The following RAP1A variants were observed in gnomAD, a reference collection of about 807,000 sequenced individuals.
RAP1A encodes ras-related protein Rap-1A.
Under a neutral mutation model 26.4 loss-of-function variants are expected in RAP1A, and 6 were observed. The ratio of observed to expected loss-of-function variants is 0.23; its 90% CI spans 0.12 to 0.45. RAP1A has a LOEUF of 0.45. Ranked by LOEUF, RAP1A falls within the 20% of genes least tolerant of loss-of-function variation. RAP1A has a pLI of 0.99. For synonymous variants in RAP1A, 73 were observed against 79.4 expected, an observed-to-expected ratio of 0.92 and a Z score of 0.43; for missense variants, 121 against 217.2, an observed-to-expected ratio of 0.56 and a Z score of 2.78.
chr1:111,588,078 G>A (rs1193303994), intron 1 of RAP1A, among the ~76,000 whole-genome samples: 1 of 152,082 alleles, frequency 6.6e-6, no homozygotes, highest in Non-Finnish European at 1.5e-5. Flanking sequence ...ATGATAACAG[G>A]TCTCAAACTC....
intron 1 of RAP1A, among the ~76,000 whole-genome samples, chr1:111,629,735 T>G (rs1659512693): frequency 6.6e-6 from 1 of 152,182 alleles, no homozygotes; most frequent in African/African-American, 2.4e-5. Flanking sequence ...GTGTGACTTT[T>G]TTTTACAAAT....
chr1:111,623,438 G>T (rs1259862976), intron 1 of RAP1A, among the ~76,000 whole-genome samples: 2 of 151,960 alleles, frequency 1.3e-5, no homozygotes, highest in African/African-American at 4.8e-5. Context: ...ACAGAGTCTT[G>T]CTCTGTCACC....
chr1:111,573,191 T>G (rs529605896), intron 1 of RAP1A, among the ~76,000 whole-genome samples: 2 of 152,364 alleles, frequency 1.3e-5, no homozygotes, highest in South Asian at 4.1e-4. Context: ...CTATTGTGAA[T>G]AGTGCTCCAA....
chr1:111,599,755 TGACATG>T (rs1658633315), intron 1 of RAP1A: 1 of 152,222 alleles, frequency 6.6e-6, no homozygotes, highest in African/African-American at 2.4e-5. Flanking sequence ...GGTTGAAGAC[TGACATG>T]GTTTGGATGT....
At chr1:111,579,268 CA>C (rs1658203544) in intron 1 of RAP1A, among the ~76,000 whole-genome samples, 1 of 152,152 alleles carries the variant, frequency 6.6e-6, no homozygotes, top group African/African-American at 2.4e-5. Context: ...AGGGCCCCCA[CA>C]CTAAGTCACC....
chr1:111,569,441 G>C (rs1463924655), intron 1 of RAP1A, among the ~76,000 whole-genome samples: 1 of 151,696 alleles, frequency 6.6e-6, no homozygotes, highest in Non-Finnish European at 1.5e-5. Flanking sequence ...CGTGCCAGGG[G>C]TCAGCACCCC....
At chr1:111,579,024 A>AGC (rs1203229011) in intron 1 of RAP1A, among the ~76,000 whole-genome samples, 3 of 152,218 alleles carry the variant, frequency 2.0e-5, no homozygotes, top group African/African-American at 7.2e-5. Flanking sequence ...GCACAGGGCA[A>AGC]GGTATGGCAG....
chr1:111,542,816 C>T (rs751329685), intron 1 of RAP1A, among the ~76,000 whole-genome samples: 9 of 152,090 alleles, frequency 5.9e-5, no homozygotes, highest in Non-Finnish European at 1.2e-4. Flanking sequence ...CCTGCCTCAA[C>T]CTCTGGAATA....
At chr1:111,680,908 C>G (rs1414892165) in intron 1 of RAP1A, 2 of 152,218 alleles carry the variant, frequency 1.3e-5, no homozygotes, top group African/African-American at 2.4e-5. Context: ...AGCACAAAGA[C>G]TAAAGGTAGA....
rs117697253 is a variant in RAP1A, at chr1:111,570,160, C to T, written c.-28+27651C>T. 1.1e-3 allele frequency among the ~76,000 whole-genome samples: 162 copies of T among 152,208 alleles called. 3 individuals are homozygous for T. In the East Asian group the frequency reaches 0.026, roughly 25 times the overall value. On this transcript the variant is annotated intron_variant, in intron 1 of 7. Coordinates refer to the RAP1A transcript ENST00000356415. ...CACCCTGCTCTCACTGCCATGCCAGCGTCATGATTGGTGAGTGTGGCAGAT... is the reference window on the plus strand; with the variant it reads ...CACCCTGCTCTCACTGCCATGCCAGTGTCATGATTGGTGAGTGTGGCAGAT...
intron 1 of RAP1A, among the ~76,000 whole-genome samples, chr1:111,612,468 A>G (rs58355851): frequency 0.011 from 1,668 of 152,304 alleles, 25 homozygotes; most frequent in African/African-American, 0.038. Flanking sequence ...CACCAAATGA[A>G]CAACTCTTGT....
At chr1:111,629,681 A>C (rs1443197466) in intron 1 of RAP1A, among the ~76,000 whole-genome samples, 1 of 152,162 alleles carries the variant, frequency 6.6e-6, no homozygotes, top group Non-Finnish European at 1.5e-5. Flanking sequence ...TAAATTAATA[A>C]GCAAATGTAA....
chr1:111,697,541 CAGGTTTTGTCATCTGAGT>C (rs780535475), intron 4 of RAP1A, 44 bp downstream of exon 4: 44 of 1,603,722 alleles, frequency 2.7e-5, no homozygotes, highest in Non-Finnish European at 3.2e-5. Context: ...AATTTGTGAG[CAGGTTTTGTCATCTGAGT>C]AGGTTTTGTC....
At chr1:111,682,287 C>T (rs1355399688) in intron 1 of RAP1A, among the ~76,000 whole-genome samples, 1 of 152,062 alleles carries the variant, frequency 6.6e-6, no homozygotes, top group African/African-American at 2.4e-5. Context: ...ACTGCATCAA[C>T]TAATGTGCAA....
intron 1 of RAP1A, among the ~76,000 whole-genome samples, chr1:111,561,359 A>C (rs1003354768): frequency 3.9e-4 from 59 of 152,162 alleles, no homozygotes; most frequent in African/African-American, 1.4e-3. Flanking sequence ...CCTGGGCTCA[A>C]GCGATCCGCT....
chr1:111,630,926 G>T (rs1244841994), intron 1 of RAP1A, among the ~76,000 whole-genome samples: 1 of 152,136 alleles, frequency 6.6e-6, no homozygotes, highest in Non-Finnish European at 1.5e-5. Flanking sequence ...AATCTGTAGG[G>T]TAACCAGTAG....
At chr1:111,646,761 G>A (rs1306213618) in intron 1 of RAP1A, among the ~76,000 whole-genome samples, 2 of 152,084 alleles carry the variant, frequency 1.3e-5, no homozygotes, top group Non-Finnish European at 2.9e-5. Flanking sequence ...GGATTGTCTC[G>A]ATCTCCTGAC....
At chr1:111,561,589 G>A (rs923323279) in intron 1 of RAP1A, among the ~76,000 whole-genome samples, 1 of 152,170 alleles carries the variant, frequency 6.6e-6, no homozygotes, top group African/African-American at 2.4e-5. Flanking sequence ...CACATGGTCA[G>A]GTCAAACACA....
intron 1 of RAP1A, chr1:111,680,846 A>G (rs1026727174): frequency 6.6e-6 from 1 of 152,282 alleles, no homozygotes; most frequent in Non-Finnish European, 1.5e-5. Flanking sequence ...AAGCAATAAC[A>G]TCAACATCAA....
Sources: allele counts gnomAD v4.1 joint callset (sites outside exome capture counted in the v4.1 genomes callset), GRCh38; gene constraint gnomAD v4.1.1; transcripts MANE v1.5; gene names NCBI Gene and HGNC (gene_info 2026-07-23, HGNC 2026-07-21).